The following GAB1 variants were observed in gnomAD, a reference collection of about 807,000 sequenced individuals.
GAB1 encodes GRB2 associated binding protein 1.
Under a neutral mutation model 66.5 loss-of-function variants are expected in GAB1, and 19 were observed. That is an observed-to-expected ratio of 0.29 (90% CI 0.20 to 0.42). The LOEUF is 0.42. GAB1 is among the 10% of genes least tolerant of loss of function. GAB1 has a pLI of 1.00. For synonymous variants in GAB1, 294 were observed against 301.4 expected, an observed-to-expected ratio of 0.98 and a Z score of 0.25; for missense variants, 732 against 858.5, an observed-to-expected ratio of 0.85 and a Z score of 1.84.
chr4:143,337,283 C>T (rs374071088), intron 1 of GAB1, 23 bp downstream of exon 1: 28 of 1,557,214 alleles, frequency 1.8e-5, no homozygotes, highest in Non-Finnish European at 2.4e-5. Context: ...GCGGGCACCA[C>T]TCCGCGGGCC....
chr4:143,350,004 G>A (rs1472688963), intron 1 of GAB1: 19 of 1,573,668 alleles, frequency 1.2e-5, no homozygotes, highest in Non-Finnish European at 1.5e-5. Context: ...CCTTGCCTCC[G>A]CGACCCCGGC....
chr4:143,428,854 G>T (rs1384143573), intron 2 of GAB1, among the ~76,000 whole-genome samples: 5 of 111,616 alleles, frequency 4.5e-5, no homozygotes, highest in African/African-American at 1.7e-4. Context: ...GTTGTGGGGT[G>T]GGGGGAGGGG....
At chr4:143,458,816 A>C (rs966830824) in intron 6 of GAB1, among the ~76,000 whole-genome samples, 1 of 152,092 alleles carries the variant, frequency 6.6e-6, no homozygotes, top group African/African-American at 2.4e-5. Flanking sequence ...GGATCTAAAG[A>C]TACAAATATT....
At chr4:143,445,903 A>C (rs1467564333) in intron 6 of GAB1, among the ~76,000 whole-genome samples, 2 of 152,094 alleles carry the variant, frequency 1.3e-5, no homozygotes, top group Non-Finnish European at 2.9e-5. Context: ...TTAACTCGTC[A>C]TTTAACATTA....
At chr4:143,407,608 A>G (rs1189516038) in intron 1 of GAB1, among the ~76,000 whole-genome samples, 2 of 152,198 alleles carry the variant, frequency 1.3e-5, no homozygotes, top group African/African-American at 4.8e-5. Flanking sequence ...GTTAGCTCGG[A>G]TAGCACAAGG....
chr4:143,349,718 C>T (rs1301173678), intron 1 of GAB1: 28 of 1,579,740 alleles, frequency 1.8e-5, no homozygotes, highest in Non-Finnish European at 2.2e-5. Flanking sequence ...GCGGTGGCCA[C>T]CTCCTTGGAG....
intron 1 of GAB1, among the ~76,000 whole-genome samples, chr4:143,403,671 C>A (rs908431510): frequency 6.6e-6 from 1 of 152,188 alleles, no homozygotes; most frequent in African/African-American, 2.4e-5. Context: ...GAGCCTTCCA[C>A]GTTTGCATCA....
At chr4:143,371,817 G>A (rs1002731326) in intron 1 of GAB1, among the ~76,000 whole-genome samples, 5 of 147,836 alleles carry the variant, frequency 3.4e-5, no homozygotes, top group Non-Finnish European at 6.0e-5. Context: ...ATCCTTTCCC[G>A]ATTTCTTGTT....
chr4:143,357,573 C>T (rs1388981847), intron 1 of GAB1, among the ~76,000 whole-genome samples: 1 of 151,938 alleles, frequency 6.6e-6, no homozygotes, highest in Non-Finnish European at 1.5e-5. Context: ...TCCTGTTTAC[C>T]TGTTGTGAAG....
chr4:143,410,905 G>T (rs1276339334), intron 1 of GAB1, among the ~76,000 whole-genome samples: 1 of 152,154 alleles, frequency 6.6e-6, no homozygotes, highest in Non-Finnish European at 1.5e-5. Context: ...GGTTAAAATG[G>T]CTCCAGCCCT....
chr4:143,364,668 T>C (rs551033081), intron 1 of GAB1, among the ~76,000 whole-genome samples: 132 of 152,180 alleles, frequency 8.7e-4, no homozygotes, highest in African/African-American at 3.1e-3. Context: ...CACAAGAGCA[T>C]GTTTCTCCTT....
rs1042535677 is a variant in GAB1 at position 143,376,562 on chromosome 4, A to G, written c.73-38915A>G. Among the ~76,000 whole-genome samples the G allele has an allele frequency of 4.6e-5, 7 of 152,224 alleles. No individual in the cohort carries two copies. In the East Asian group the frequency reaches 1.3e-3, roughly 29 times the overall value. On this transcript the variant is annotated intron_variant, in intron 1 of 9. Transcript: ENST00000262994. ...GATAATTGGCCTTTTTCAAAAAATG[A>G]CTTGCTTTCTAAACCTGAAAAATAG...
At chr4:143,343,615 G>T (rs1203234030) in intron 1 of GAB1, 1 of 154,880 alleles carries the variant, frequency 6.5e-6, no homozygotes, top group African/African-American at 2.4e-5. Context: ...CAAGCTGTCA[G>T]TCATTTTATA....
intron 6 of GAB1, among the ~76,000 whole-genome samples, chr4:143,459,136 T>A (rs1319496618): frequency 6.6e-6 from 1 of 152,112 alleles, no homozygotes; most frequent in South Asian, 2.1e-4. Flanking sequence ...TTAGGCAACA[T>A]GTTGTAATAG....
intron 1 of GAB1, among the ~76,000 whole-genome samples, chr4:143,405,198 C>T (rs909615261): frequency 1.3e-5 from 2 of 152,080 alleles, no homozygotes; most frequent in Non-Finnish European, 2.9e-5. Context: ...GAAGTCATTA[C>T]ACACACACAT....
rs954353591 is a variant in GAB1 at position 143,473,358 on chromosome 4, C to T, written c.*4169C>T. 6.6e-6 allele frequency: 1 copy of T among 152,178 alleles called. No individual in the cohort carries two copies. The highest frequency in any genetic ancestry group is 1.5e-5 in the Non-Finnish European group (1 of 68,034). The allele number at this position is 152,178 out of a possible 1,614,324, so 9.4% of individuals were successfully genotyped here. On this transcript the variant is annotated 3_prime_UTR_variant, in exon 10 of 10. Coordinates refer to ENST00000262994, the MANE Select transcript of GAB1 (RefSeq NM_002039.4). ...TACTAAGATTGTGAACTGATAAGGA[C>T]ATATAAATTTATATTTCCAGCCCTT...
chr4:143,457,885 A>C (rs1237990275), intron 6 of GAB1: 9 of 608,632 alleles, frequency 1.5e-5, no homozygotes, highest in Non-Finnish European at 2.5e-5. Flanking sequence ...TTGTAAATAA[A>C]ACTTTCCTGC....
intron 1 of GAB1, among the ~76,000 whole-genome samples, chr4:143,353,006 A>G (rs1039609864): frequency 3.3e-5 from 5 of 152,208 alleles, no homozygotes; most frequent in Non-Finnish European, 7.3e-5. Context: ...TGTCGCCAAG[A>G]AACTCAAAAG....
At chr4:143,443,624 A>G (rs571700061) in intron 6 of GAB1, among the ~76,000 whole-genome samples, 4 of 152,338 alleles carry the variant, frequency 2.6e-5, no homozygotes, top group East Asian at 1.9e-4. Context: ...GACTTAATCT[A>G]TTATTCAGTA....
Sources: gnomAD v4.1 joint callset for allele counts (sites outside exome capture counted in the v4.1 genomes callset) on GRCh38, gnomAD v4.1.1 for gene constraint, MANE v1.5 for transcripts, NCBI Gene and HGNC (gene_info 2026-07-23, HGNC 2026-07-21) for gene names.